The following STK36 variants were observed in gnomAD, a reference collection of about 807,000 sequenced individuals.
The protein encoded by STK36 is serine/threonine-protein kinase 36.
A neutral mutation model predicts 142.2 loss-of-function variants in STK36; 116 were observed. That is an observed-to-expected ratio of 0.82 (90% CI 0.70 to 0.95). STK36 has a LOEUF of 0.95. Among genes scored for constraint, STK36 ranks in the 40% least tolerant of loss-of-function variants. The pLI, the probability that STK36 is intolerant of heterozygous loss-of-function variation, is 0.00. For synonymous variants in STK36, 619 were observed against 641.7 expected (o/e 0.96, Z 0.53); for missense variants, 1,422 against 1,617.2 (o/e 0.88, Z 2.07).
At chr2:218,699,821 CA>C (rs1329364003) in intron 26 of STK36, among the ~76,000 whole-genome samples, 2 of 152,272 alleles carry the variant, frequency 1.3e-5, no homozygotes, top group East Asian at 3.9e-4. Flanking sequence ...GTCCAAATTA[CA>C]AGGACAGTAT....
At chr2:218,691,586 C>A (rs1162766583) in intron 14 of STK36, among the ~76,000 whole-genome samples, 1 of 151,768 alleles carries the variant, frequency 6.6e-6, no homozygotes, top group Admixed American at 6.6e-5. Context: ...GAGACAGGGT[C>A]TCTCTGTCAC....
intron 12 of STK36, 85 bp from the exon 13 acceptor site, chr2:218,689,774 C>T: frequency 8.1e-7 from 1 of 1,241,032 alleles, no homozygotes; most frequent in Non-Finnish European, 1.1e-6. Context: ...TTGACTGGGT[C>T]TCTATACACC....
rs1462225914 is a variant in STK36 at position 218,680,047 on chromosome 2, A to C, written c.1103A>C (p.Lys368Thr). The C allele has an allele frequency of 6.2e-7, 1 of 1,614,042 alleles. No individual in the cohort carries two copies. Among genetic ancestry groups the C allele is most frequent in the Non-Finnish European group, 8.5e-7 (1 of 1,180,032 alleles). ...LASELKSSWA[K>T]SGTGEVPSAP... Reference sequence around the variant, plus strand: ...TCAGAATTGAAGAGCAGCTGGGCTAAATCAGGGACTGGAGAGGTGCCCTCT... The same window carrying C: ...TCAGAATTGAAGAGCAGCTGGGCTACATCAGGGACTGGAGAGGTGCCCTCT... The change falls in exon 9 of 27, where the codon AAA (lysine) becomes ACA (threonine). Residue 368 changes from lysine (K) to threonine (T), a missense_variant. Lys to Thr is a moderately conservative substitution (Grantham distance 78). Transcript: ENST00000295709.
intron 17 of STK36, 152 bp from the exon 18 acceptor site, chr2:218,693,571 T>G: frequency 8.6e-6 from 7 of 812,988 alleles, no homozygotes; most frequent in Non-Finnish European, 1.4e-5. Context: ...TGTCTCACTA[T>G]CTCATAGCAA....
chr2:218,686,217 G>C (rs2106354865), intron 11 of STK36, among the ~76,000 whole-genome samples: 1 of 152,134 alleles, frequency 6.6e-6, no homozygotes, highest in Non-Finnish European at 1.5e-5. Flanking sequence ...GGGATTACAG[G>C]CGTGAACCAC....
At position 218,692,224 on chromosome 2, in the gene STK36, C is replaced by G; in HGVS notation, c.1846C>G (p.Gln616Glu). The change falls in exon 15 of 27, where the codon CAG becomes GAG. Residue 616 changes from glutamine (Q) to glutamate (E), a missense_variant. By Grantham distance (29) the Gln-to-Glu change is conservative. Coordinates refer to ENST00000295709, the MANE Select transcript of STK36 (RefSeq NM_015690.5). ...CTTTTACTCCAGCTTGCTGACGACA[C>G]AGCAGGTTGTCTTGGATGGGCTCCT... ...KAFYSSLLTTQQVVLDGLLHG... is the reference protein window; with the variant it reads ...KAFYSSLLTTEQVVLDGLLHG... 2 of 1,614,236 alleles carry G rather than the reference C, an allele frequency of 1.2e-6. No individual in the cohort carries two copies. The highest frequency in any genetic ancestry group is 1.7e-6 in the Non-Finnish European group (2 of 1,180,050).
At chr2:218,677,002 C>T (rs554064207) in intron 6 of STK36, among the ~76,000 whole-genome samples, 7 of 151,678 alleles carry the variant, frequency 4.6e-5, no homozygotes, top group Admixed American at 2.6e-4. Context: ...GGCGCGATCT[C>T]GGCTGACCGC....
intron 21 of STK36, 92 bp from the exon 22 acceptor site, chr2:218,696,435 T>C: frequency 9.3e-7 from 1 of 1,079,986 alleles, no homozygotes. Flanking sequence ...CTCAAATCTG[T>C]TCCCTCCATG....
intron 15 of STK36, 40 bp downstream of exon 15, chr2:218,692,333 G>T: frequency 6.2e-7 from 1 of 1,611,544 alleles, no homozygotes. Context: ...TGACTTACTT[G>T]TTGCATAGGT....
rs1363361974 is a variant in STK36, at chr2:218,698,587, C to T, written c.3058-15C>T. On this transcript the variant is annotated splice_polypyrimidine_tract_variant and intron_variant, in intron 25 of 26. Coordinates refer to ENST00000295709, the MANE Select transcript of STK36 (RefSeq NM_015690.5). ...TCTCTCTCTCCCTGAATCCTTTTAC[C>T]TCCTGTTCTCTCAGGTCTGCTGCTA... The T allele has an allele frequency of 1.9e-6, 3 of 1,610,330 alleles. No homozygotes were observed. The highest frequency in any genetic ancestry group is 4.5e-5 in the East Asian group (2 of 44,846).
chr2:218,702,046 G>T lies in STK36; in HGVS notation c.*37G>T. The T allele has an allele frequency of 5.6e-6, 9 of 1,609,478 alleles. No individual in the cohort carries two copies. Among genetic ancestry groups the T allele is most frequent in the Non-Finnish European group, 7.6e-6 (9 of 1,177,596 alleles). ...TGCGGTCCAGCCTCCAACTTTGGTT[G>T]CCAGCTCTTTCTTATTCTACTACAC... On this transcript the variant is annotated 3_prime_UTR_variant, in exon 27 of 27. Coordinates refer to ENST00000295709, the MANE Select transcript of STK36 (RefSeq NM_015690.5).
intron 14 of STK36, 116 bp from the exon 15 acceptor site, chr2:218,692,025 GAC>G (rs2106360233): frequency 8.0e-7 from 1 of 1,253,314 alleles, no homozygotes; most frequent in East Asian, 2.4e-5. Context: ...CTTAAAATTA[GAC>G]ATGTGTTTGC....
intron 22 of STK36, 24 bp downstream of exon 22, chr2:218,696,625 T>A: frequency 1.2e-6 from 2 of 1,612,284 alleles, no homozygotes; most frequent in Non-Finnish European, 1.7e-6. Flanking sequence ...TTGGGATGGA[T>A]GGGAAGTAAA....
At chr2:218,683,473 C>T (rs1374007004) in intron 10 of STK36, among the ~76,000 whole-genome samples, 2 of 152,082 alleles carry the variant, frequency 1.3e-5, no homozygotes, top group African/African-American at 4.8e-5. Context: ...CAGGGTTTCA[C>T]CATGTTGTTC....
chr2:218,694,207 C>G lies in STK36; in HGVS notation c.2337-57C>G. 6.8e-7 allele frequency: 1 copy of G among 1,464,850 alleles called. No homozygotes were observed. The highest frequency in any genetic ancestry group is 1.1e-5 in the South Asian group (1 of 88,006). The allele number at this position is 1,464,850 out of a possible 1,614,324, so 90.7% of individuals were successfully genotyped here. A position where few individuals can be genotyped will look rare whatever the true frequency, so the allele number is the denominator to read the frequency against. On this transcript the variant is annotated intron_variant, in intron 19 of 26. Coordinates refer to ENST00000295709, the MANE Select transcript of STK36 (RefSeq NM_015690.5). This position sits in a 1 kb window ranked among gnomAD's most constrained non-coding sequence, Gnocchi z 4.4. ...AACACCATGCAAGGGAGAGGGGAGG[C>G]CGCTTACCAACCTCCTTTAATACTG...
intron 10 of STK36, among the ~76,000 whole-genome samples, chr2:218,683,611 T>A (rs1354271427): frequency 1.3e-5 from 2 of 152,084 alleles, no homozygotes; most frequent in Non-Finnish European, 2.9e-5. Context: ...ATACTTTAAG[T>A]TTTAGGGTAC....
In STK36 at chr2:218,679,717, G is replaced by C. The variant is rs1439703971; in HGVS notation, c.936G>C (p.Glu312Asp). The change falls in exon 8 of 27, where the codon GAG (glutamate) becomes GAC (aspartate). Residue 312 changes from glutamate to aspartate, a missense_variant. Physicochemically the swap from Glu to Asp is conservative, Grantham distance 45. Coordinates refer to ENST00000295709, the MANE Select transcript of STK36 (RefSeq NM_015690.5). ...LTQAYKRMAE[E>D]AMQKKHQNTG... The stretch of plus-strand genomic sequence containing the variant: ...AGGCCTATAAACGCATGGCTGAGGA[G>C]GCCATGCAGAAGGTGTGTGGGGCAG... 6.2e-7 allele frequency: 1 copy of C among 1,614,118 alleles called. No individual in the cohort carries two copies. The highest frequency in any genetic ancestry group is 1.1e-5 in the South Asian group (1 of 91,090).
intron 15 of STK36, 73 bp from the exon 16 acceptor site, chr2:218,692,510 C>A: frequency 6.5e-7 from 1 of 1,535,982 alleles, no homozygotes; most frequent in Non-Finnish European, 8.7e-7. Flanking sequence ...GCTGCCATGT[C>A]GGTGAGTACT....
chr2:218,686,100 G>A (rs759405758), intron 11 of STK36, among the ~76,000 whole-genome samples: 5 of 151,738 alleles, frequency 3.3e-5, no homozygotes, highest in African/African-American at 7.3e-5. Flanking sequence ...CACCACGCCC[G>A]GTTAATTTTT....
Sources: allele counts gnomAD v4.1 joint callset (sites outside exome capture counted in the v4.1 genomes callset), GRCh38; gene constraint gnomAD v4.1.1; non-coding constraint Gnocchi (gnomAD v3.1); transcripts MANE v1.5; gene names NCBI Gene and HGNC (gene_info 2026-07-23, HGNC 2026-07-21).